Variants in C3orf52 observed in about 807,000 individuals in gnomAD.
C3orf52 encodes the protein chromosome 3 open reading frame 52, also known as TPA-induced transmembrane protein.
Under a neutral mutation model 24.8 loss-of-function variants are expected in C3orf52, and 22 were observed. The ratio of observed to expected loss-of-function variants is 0.89; its 90% CI spans 0.63 to 1.27. The LOEUF (loss-of-function observed/expected upper bound fraction) is 1.27, where lower values mean the gene tolerates loss of function less well. Among genes scored for constraint, C3orf52 ranks in the 50% most tolerant of loss-of-function variants. The pLI is 0.00. For missense variants in C3orf52, 265 were observed against 260.7 expected, an observed-to-expected ratio of 1.02 and a Z score of -0.11; for synonymous variants, 93 against 100.2, an observed-to-expected ratio of 0.93 and a Z score of 0.43.
At chr3:112,114,633 G>A (rs1323161177) in intron 5 of C3orf52, among the ~76,000 whole-genome samples, 1 of 152,114 alleles carries the variant, frequency 6.6e-6, no homozygotes, top group Non-Finnish European at 1.5e-5. Context: ...GAACCTGGGA[G>A]GCAGAGGTTG....
At chr3:112,123,061 C>T, downstream of C3orf52, 1 of 224,632 alleles carries the variant, frequency 4.5e-6, no homozygotes, top group Non-Finnish European at 8.8e-6. Context: ...CTTGGGCACA[C>T]TTAGTATGAT....
At chr3:112,114,889 G>A (rs1283385751) in intron 5 of C3orf52, among the ~76,000 whole-genome samples, 1 of 152,150 alleles carries the variant, frequency 6.6e-6, no homozygotes, top group Non-Finnish European at 1.5e-5. Context: ...GGTTTAAGAG[G>A]CTTCCAAGGC....
chr3:112,112,379 G>C (rs1472965626), intron 4 of C3orf52: 1 of 153,648 alleles, frequency 6.5e-6, no homozygotes, highest in Non-Finnish European at 1.4e-5. Flanking sequence ...TCACTTTGGG[G>C]ACAAACCAGG....
downstream of C3orf52, chr3:112,129,455 T>A (rs2074401384): frequency 6.6e-6 from 1 of 152,200 alleles, no homozygotes; most frequent in African/African-American, 2.4e-5. Context: ...TGGTTTTGGT[T>A]TGGGATGGGT....
At chr3:112,130,702 C>T, downstream of C3orf52, 1 of 606,624 alleles carries the variant, frequency 1.6e-6, no homozygotes, top group Non-Finnish European at 3.0e-6. Context: ...CTGACATGCT[C>T]TCCATTGCCA....
At chr3:112,126,362 C>T (rs2074317500) in intron 4 of C3orf52, among the ~76,000 whole-genome samples, 2 of 152,188 alleles carry the variant, frequency 1.3e-5, no homozygotes. Context: ...CTCAGGCCTA[C>T]ACTTTCTTAT....
At chr3:112,129,237 A>C (rs1363741321), downstream of C3orf52, 1 of 152,230 alleles carries the variant, frequency 6.6e-6, no homozygotes, top group Non-Finnish European at 1.5e-5. Flanking sequence ...AGGAGAAATG[A>C]ATGAGATAAG....
downstream of C3orf52, chr3:112,130,396 G>A (rs765462486): frequency 2.6e-5 from 39 of 1,484,612 alleles, no homozygotes; most frequent in African/African-American, 6.9e-5. Flanking sequence ...GACATACTTC[G>A]TTCTCCTTGG....
chr3:112,119,321 G>A, downstream of C3orf52: 2 of 617,204 alleles, frequency 3.2e-6, no homozygotes, highest in South Asian at 1.9e-5. Flanking sequence ...GTTGCAGTGA[G>A]CTGAGATCAC....
At chr3:112,096,562 T>C (rs1329944962) in intron 2 of C3orf52, among the ~76,000 whole-genome samples, 1 of 152,208 alleles carries the variant, frequency 6.6e-6, no homozygotes, top group Non-Finnish European at 1.5e-5. Flanking sequence ...CTGGGATTAA[T>C]CAGAAGTTAA....
chr3:112,104,885 T>C (rs2074009399), intron 3 of C3orf52, among the ~76,000 whole-genome samples: 1 of 152,180 alleles, frequency 6.6e-6, no homozygotes, highest in Admixed American at 6.5e-5. Flanking sequence ...TGGGGCAAGT[T>C]GCTGAGTGAG....
At chr3:112,105,190 C>G (rs1285972928) in intron 3 of C3orf52, among the ~76,000 whole-genome samples, 1 of 152,178 alleles carries the variant, frequency 6.6e-6, no homozygotes, top group Non-Finnish European at 1.5e-5. Context: ...AGTTTCTTCG[C>G]TGATAAATGG....
chr3:112,112,529 C>G (rs2074093131), intron 4 of C3orf52: 1 of 185,568 alleles, frequency 5.4e-6, no homozygotes, highest in Admixed American at 5.4e-5. Flanking sequence ...CTAAATATCC[C>G]TGGCACACCT....
intron 3 of C3orf52, among the ~76,000 whole-genome samples, chr3:112,105,775 AC>A (rs2074017955): frequency 6.8e-6 from 1 of 148,070 alleles, no homozygotes; most frequent in South Asian, 2.1e-4. Flanking sequence ...GTGAGCCGAG[AC>A]CGTGCCACTG....
At chr3:112,105,668 T>C (rs1024457787) in intron 3 of C3orf52, among the ~76,000 whole-genome samples, 6 of 151,136 alleles carry the variant, frequency 4.0e-5, no homozygotes, top group African/African-American at 1.5e-4. Context: ...ACCCCATAGT[T>C]TAAGGGTTCA....
intron 5 of C3orf52, among the ~76,000 whole-genome samples, chr3:112,114,787 T>C (rs149420945): frequency 3.7e-4 from 56 of 152,164 alleles, no homozygotes; most frequent in African/African-American, 1.3e-3. Flanking sequence ...TGCTGTGGTG[T>C]GGTTGGTCTT....
At chr3:112,125,035 A>T (rs1359775203) in intron 4 of C3orf52, among the ~76,000 whole-genome samples, 3 of 152,222 alleles carry the variant, frequency 2.0e-5, no homozygotes, top group African/African-American at 7.2e-5. Flanking sequence ...TCAATAAATT[A>T]TACAGCAGAA....
At chr3:112,114,404 T>TTAAAAA (rs1559976309) in intron 5 of C3orf52, among the ~76,000 whole-genome samples, 1 of 122,260 alleles carries the variant, frequency 8.2e-6, no homozygotes, top group African/African-American at 3.0e-5. Flanking sequence ...TTACAGGAAT[T>TTAAAAA]AAAAAAAAAA....
At chr3:112,093,809 T>C (rs894387276) in intron 2 of C3orf52, among the ~76,000 whole-genome samples, 6 of 152,246 alleles carry the variant, frequency 3.9e-5, no homozygotes, top group Non-Finnish European at 8.8e-5. Context: ...ATTTTATTTA[T>C]ATCCTGATAC....
Sources: allele counts gnomAD v4.1 joint callset (sites outside exome capture counted in the v4.1 genomes callset), GRCh38; gene constraint gnomAD v4.1.1; transcripts MANE v1.5; gene names NCBI Gene and HGNC (gene_info 2026-07-23, HGNC 2026-07-21).